Variants in KLF8 observed in about 807,000 individuals in gnomAD.
The protein encoded by KLF8 is Krueppel-like factor 8.
In KLF8, 10 loss-of-function variants were observed where a neutral mutation model predicts 18.2. That is an observed-to-expected ratio of 0.55 (90% CI 0.34 to 0.93). KLF8 has a LOEUF of 0.93. KLF8 is among the 40% of genes least tolerant of loss of function. KLF8 has a pLI of 0.02. For synonymous variants in KLF8, 109 were observed against 97.3 expected, an observed-to-expected ratio of 1.12 and a Z score of -0.71; for missense variants, 264 against 277.9, an observed-to-expected ratio of 0.95 and a Z score of 0.36.
At chrX:56,195,532 G>GA in the KLF8 span, among the ~76,000 whole-genome samples, 38 of 111,939 alleles carry the variant, frequency 3.4e-4, no homozygotes, top group Non-Finnish European at 6.2e-4. Flanking sequence ...CAAGGTTACA[G>GA]AAAAAAGTAG....
At chrX:56,136,994 A>G in the KLF8 span, among the ~76,000 whole-genome samples, 45 of 107,924 alleles carry the variant, frequency 4.2e-4, no homozygotes, top group African/African-American at 7.3e-4. Flanking sequence ...GCCAAAAAAC[A>G]CATGAAAAAA....
At chrX:56,271,531 A>G (rs2067057901) in intron 5 of KLF8, among the ~76,000 whole-genome samples, 1 of 111,262 alleles carries the variant, frequency 9.0e-6, no homozygotes, top group Non-Finnish European at 1.9e-5. Context: ...TCTTGTAAAC[A>G]TCTGCTATGT....
intron 1 of KLF8, among the ~76,000 whole-genome samples, chrX:56,236,948 T>C (rs888107741): frequency 1.1e-5 from 1 of 90,753 alleles, no homozygotes; most frequent in Non-Finnish European, 2.1e-5. Context: ...TGGTTTTCTA[T>C]AGATAGATAG....
chrX:56,115,564 C>T, the KLF8 span, among the ~76,000 whole-genome samples: 3 of 111,637 alleles, frequency 2.7e-5, no homozygotes, highest in Non-Finnish European at 5.6e-5. Context: ...AGAAGTGGAC[C>T]TTACCATTCA....
chrX:56,071,267 A>C, the KLF8 span, among the ~76,000 whole-genome samples: 22 of 112,003 alleles, frequency 2.0e-4, no homozygotes, highest in Non-Finnish European at 5.6e-5. Flanking sequence ...AGACAAAAAA[A>C]CTATTAAATT....
chrX:56,015,858 G>A, the KLF8 span, among the ~76,000 whole-genome samples: 426 of 111,842 alleles, frequency 3.8e-3, no homozygotes, highest in African/African-American at 0.013. Context: ...AAGCCAAAAT[G>A]GAAGCCGCAG....
chrX:56,017,219 A>G, the KLF8 span, among the ~76,000 whole-genome samples: 47 of 112,130 alleles, frequency 4.2e-4, no homozygotes, highest in Admixed American at 4.7e-4. Context: ...AAGAGCTAGT[A>G]TTAGGGACCT....
At chrX:56,041,848 C>G in the KLF8 span, among the ~76,000 whole-genome samples, 1 of 111,635 alleles carries the variant, frequency 9.0e-6, no homozygotes, top group African/African-American at 3.3e-5. Flanking sequence ...TGCCACAACA[C>G]TCAGCTAACT....
At chrX:56,060,444 A>G in the KLF8 span, among the ~76,000 whole-genome samples, 1 of 112,174 alleles carries the variant, frequency 8.9e-6, no homozygotes, top group Non-Finnish European at 1.9e-5. Context: ...TGAGACAATC[A>G]TATGGTTTTT....
the KLF8 span, among the ~76,000 whole-genome samples, chrX:56,165,024 T>C: frequency 4.1e-5 from 4 of 98,053 alleles, no homozygotes; most frequent in African/African-American, 7.5e-5. Context: ...GTTCTTGCGA[T>C]AGTTTACTGA....
chrX:56,033,456 T>C, the KLF8 span, among the ~76,000 whole-genome samples: 17 of 111,735 alleles, frequency 1.5e-4, no homozygotes, highest in African/African-American at 5.2e-4. Flanking sequence ...CTGGCTATTT[T>C]GAAAAATGAT....
the KLF8 span, among the ~76,000 whole-genome samples, chrX:56,041,269 G>A: frequency 9.1e-6 from 1 of 109,672 alleles, no homozygotes. Flanking sequence ...ATTTACAGGT[G>A]TGCGCCACTA....
At chrX:56,189,348 A>G in the KLF8 span, among the ~76,000 whole-genome samples, 38 of 111,819 alleles carry the variant, frequency 3.4e-4, 2 homozygotes, top group East Asian at 0.01. Context: ...TTAGAATGGC[A>G]ATCATTAAAA....
the KLF8 span, among the ~76,000 whole-genome samples, chrX:55,977,123 A>G: frequency 5.4e-5 from 6 of 112,004 alleles, no homozygotes; most frequent in African/African-American, 1.9e-4. Context: ...TGTCTTGTCT[A>G]CTTGCTCTGG....
At chrX:56,206,132 A>G in the KLF8 span, among the ~76,000 whole-genome samples, 1 of 111,116 alleles carries the variant, frequency 9.0e-6, no homozygotes, top group East Asian at 2.8e-4. Context: ...CCTATGATTC[A>G]ATTATCTCCA....
the KLF8 span, among the ~76,000 whole-genome samples, chrX:56,088,115 G>A: frequency 9.0e-6 from 1 of 111,424 alleles, no homozygotes; most frequent in East Asian, 2.8e-4. Context: ...TGGAAATATG[G>A]TCTTTTTTGG....
chrX:56,050,374 A>C, the KLF8 span, among the ~76,000 whole-genome samples: 2 of 111,295 alleles, frequency 1.8e-5, no homozygotes, highest in Admixed American at 9.6e-5. Flanking sequence ...TGTCAATTTT[A>C]GATCTTTCCT....
At chrX:56,045,133 G>T in the KLF8 span, among the ~76,000 whole-genome samples, 8 of 111,576 alleles carry the variant, frequency 7.2e-5, no homozygotes, top group Non-Finnish European at 1.5e-4. Flanking sequence ...AGTTATTCCA[G>T]CACCATATGT....
chrX:56,077,093 C>T, the KLF8 span, among the ~76,000 whole-genome samples: 1 of 111,345 alleles, frequency 9.0e-6, no homozygotes, highest in African/African-American at 3.3e-5. Context: ...TTGTAGGTTG[C>T]CTGTTCACTC....
Sources: gnomAD v4.1 joint callset for allele counts (sites outside exome capture counted in the v4.1 genomes callset) on GRCh38, gnomAD v4.1.1 for gene constraint, MANE v1.5 for transcripts, NCBI Gene and HGNC (gene_info 2026-07-23, HGNC 2026-07-21) for gene names.